The following CCNYL1 variants were observed in gnomAD, a reference collection of about 807,000 sequenced individuals.
CCNYL1 encodes cyclin-Y-like protein 1.
In CCNYL1, 16 loss-of-function variants were observed where a neutral mutation model predicts 44.2. The ratio of observed to expected loss-of-function variants is 0.36; its 90% confidence interval spans 0.25 to 0.55. The LOEUF (loss-of-function observed/expected upper bound fraction) is 0.55, where lower values mean the gene tolerates loss of function less well. CCNYL1 is among the 20% of genes least tolerant of loss of function. CCNYL1 has a pLI of 0.85. For synonymous variants in CCNYL1, 159 were observed against 163.2 expected (o/e 0.97, Z 0.20); for missense variants, 348 against 451.8 (o/e 0.77, Z 2.08).
At chr2:207,735,533 A>G (rs2091758254) in intron 4 of CCNYL1, among the ~76,000 whole-genome samples, 1 of 152,146 alleles carries the variant, frequency 6.6e-6, no homozygotes, top group Non-Finnish European at 1.5e-5. Flanking sequence ...CATTCCCAAA[A>G]TTTGCAGCAC....
At chr2:207,724,759 A>G (rs759904707) in intron 1 of CCNYL1, 41 bp from the exon 2 acceptor site, 2 of 1,380,662 alleles carry the variant, frequency 1.4e-6, no homozygotes, top group Non-Finnish European at 2.1e-6. Context: ...CATCTTTTCT[A>G]CTCACCTAAA....
intron 5 of CCNYL1, among the ~76,000 whole-genome samples, 176 bp from the exon 6 acceptor site, chr2:207,740,479 G>C (rs2091800104): frequency 6.6e-6 from 1 of 152,180 alleles, no homozygotes; most frequent in South Asian, 2.1e-4. Context: ...AGTAAAAAGA[G>C]GTCAGGAAAT....
chr2:207,735,484 G>A (rs1290680843), intron 4 of CCNYL1, among the ~76,000 whole-genome samples: 2 of 152,178 alleles, frequency 1.3e-5, no homozygotes, highest in Admixed American at 6.5e-5. Context: ...ACACAGACAA[G>A]CACATCCCAG....
chr2:207,717,108 CAAAAAAA>C (rs1171959044), intron 1 of CCNYL1, among the ~76,000 whole-genome samples: 1 of 62,180 alleles, frequency 1.6e-5, no homozygotes, highest in Non-Finnish European at 3.4e-5. Context: ...GACTCCATCT[CAAAAAAA>C]AAAAAAAAAA....
At chr2:207,752,043 A>C (rs1308321654) in intron 9 of CCNYL1, among the ~76,000 whole-genome samples, 1 of 152,040 alleles carries the variant, frequency 6.6e-6, no homozygotes, top group Non-Finnish European at 1.5e-5. Context: ...TCCAAAAAAA[A>C]AAAATTTTTT....
chr2:207,742,230 A>T lies in CCNYL1; in HGVS notation c.527A>T (p.Lys176Ile). Reference sequence around the variant, plus strand: ...CATCTTTTCTTCTTTCAGCGAGAAAAAGTTCCAGAGGAATACTTTAAGCAT... The same window carrying T: ...CATCTTTTCTTCTTTCAGCGAGAAATAGTTCCAGAGGAATACTTTAAGCAT... ...DERSHPLTRE[K>I]VPEEYFKHDP... Residue 176 changes from lysine (K) to isoleucine (I), a missense_variant, in exon 7 of 10, where the codon AAA becomes ATA. This residue lies in a region of CCNYL1 where 209 missense variants were observed against 247.7 expected (regional missense o/e 0.84). Transcript: ENST00000295414. The T allele has an allele frequency of 6.2e-7, 1 of 1,601,314 alleles. No homozygotes were observed. The highest frequency in any genetic ancestry group is 8.5e-7 in the Non-Finnish European group (1 of 1,176,546).
chr2:207,746,779 C>G (rs555192427), intron 7 of CCNYL1, among the ~76,000 whole-genome samples: 28 of 152,228 alleles, frequency 1.8e-4, no homozygotes, highest in African/African-American at 6.3e-4. Context: ...AGTTCGAGAC[C>G]AACCTGACCA....
Position 207,754,936 on chromosome 2 carries a change from C to T in CCNYL1, c.*1238C>T, listed in dbSNP as rs1053916690. Reference sequence around the variant, plus strand: ...TGGTGGTGCACGCCTATAGTCCCAGCTACTTGGGAGGCTGAGGCTGGAGGA... The same window carrying T: ...TGGTGGTGCACGCCTATAGTCCCAGTTACTTGGGAGGCTGAGGCTGGAGGA... On this transcript the variant is annotated 3_prime_UTR_variant, in exon 10 of 10. Transcript: ENST00000295414. The T allele has an allele frequency of 2.6e-5, 4 of 152,128 alleles. No individual in the cohort carries two copies. The highest frequency in any genetic ancestry group is 1.3e-4 in the Admixed American group (2 of 15,274). 9.4% of individuals were successfully genotyped at this position (152,128 alleles called of 1,614,324 possible). A position where few individuals can be genotyped will look rare whatever the true frequency, so the allele number is the denominator to read the frequency against.
chr2:207,754,911 T>C lies in CCNYL1; in HGVS notation c.*1213T>C, dbSNP rs748315122. On this transcript the variant is annotated 3_prime_UTR_variant, in exon 10 of 10. Transcript: ENST00000295414. Reference sequence around the variant, plus strand: ...AAAATTTGCAAAATGAAGCTGGGTGTGGTGGTGCACGCCTATAGTCCCAGC... The same window carrying C: ...AAAATTTGCAAAATGAAGCTGGGTGCGGTGGTGCACGCCTATAGTCCCAGC... 5 of 152,010 alleles carry C rather than the reference T, an allele frequency of 3.3e-5. No individual in the cohort carries two copies. The highest frequency in any genetic ancestry group is 5.9e-5 in the Non-Finnish European group (4 of 68,010). The allele number at this position is 152,010 out of a possible 1,614,324, so 9.4% of individuals were successfully genotyped here.
chr2:207,715,379 C>CTT (rs770646092), intron 1 of CCNYL1, among the ~76,000 whole-genome samples: 41,112 of 100,658 alleles, frequency 0.41, 10,964 homozygotes, highest in Non-Finnish European at 0.52. Context: ...CAAGCTATTT[C>CTT]TTTTTTTTTT....
chr2:207,729,947 C>A (rs1044402076), intron 3 of CCNYL1, among the ~76,000 whole-genome samples: 3 of 151,942 alleles, frequency 2.0e-5, no homozygotes, highest in Admixed American at 6.6e-5. Flanking sequence ...AGCTCCTGGC[C>A]TCAAGTTCAC....
At position 207,747,034 on chromosome 2, in the gene CCNYL1, C is replaced by T. The variant is rs1417969685; in HGVS notation, c.640-13C>T. ...ACTGAACTAAAATCAAAGACCAGTG[C>T]TCTATTTTACAGGTTTACTTAGAAA... On this transcript the variant is annotated splice_polypyrimidine_tract_variant and intron_variant, in intron 7 of 9. Transcript: ENST00000295414. 3 of 1,601,602 alleles carry T rather than the reference C, an allele frequency of 1.9e-6. No individual in the cohort carries two copies. The highest frequency in any genetic ancestry group is 2.6e-6 in the Non-Finnish European group (3 of 1,170,606).
intron 4 of CCNYL1, 48 bp from the exon 5 acceptor site, chr2:207,737,363 C>G: frequency 6.9e-7 from 1 of 1,451,188 alleles, no homozygotes; most frequent in Non-Finnish European, 9.6e-7. Flanking sequence ...TCAGGCCTAA[C>G]AAATGTTTAA....
intron 8 of CCNYL1, 126 bp from the exon 9 acceptor site, chr2:207,750,831 A>G (rs1448530308): frequency 3.9e-6 from 3 of 760,998 alleles, no homozygotes; most frequent in Non-Finnish European, 6.3e-6. Flanking sequence ...TGTTAATACA[A>G]CTGGGTAGCC....
chr2:207,737,392 T>A lies in CCNYL1; in HGVS notation c.432-19T>A. On this transcript the variant is annotated intron_variant, in intron 4 of 9. Coordinates refer to ENST00000295414, the MANE Select transcript of CCNYL1 (RefSeq NM_001330218.2). ...TGTTTAAATCAGTTGTTAAAAATAA[T>A]TTTTTTTTCCCTTCACAGTGTGACC... The A allele has an allele frequency of 6.5e-7, 1 of 1,529,806 alleles. No homozygotes were observed. Among genetic ancestry groups the A allele is most frequent in the African/African-American group, 1.4e-5 (1 of 72,946 alleles). 94.8% of individuals were successfully genotyped at this position (1,529,806 alleles called of 1,614,324 possible).
chr2:207,721,740 T>TG (rs1559165318), intron 1 of CCNYL1, among the ~76,000 whole-genome samples: 1 of 151,890 alleles, frequency 6.6e-6, no homozygotes. Context: ...TTTTGTTTTT[T>TG]TTTTTTTTGT....
chr2:207,737,534 A>G, intron 5 of CCNYL1, 88 bp downstream of exon 5: 2 of 1,069,312 alleles, frequency 1.9e-6, no homozygotes, highest in African/African-American at 1.6e-5. Context: ...TATAGACATC[A>G]TAAGCTATAG....
At position 207,719,749 on chromosome 2, in the gene CCNYL1, G is replaced by T. The variant is rs1575209304; in HGVS notation, c.221-5051G>T. Reference sequence around the variant, plus strand: ...GTTTTTTAATTTGTTTTTTGTTTTTGAGATGGTCTTTCTCTGTTGCCGAGG... The same window carrying T: ...GTTTTTTAATTTGTTTTTTGTTTTTTAGATGGTCTTTCTCTGTTGCCGAGG... On this transcript the variant is annotated intron_variant, in intron 1 of 9. Transcript: ENST00000295414. 2.0e-5 allele frequency among the ~76,000 whole-genome samples: 3 copies of T among 152,046 alleles called. No homozygotes were observed. In the East Asian group the frequency reaches 5.8e-4, roughly 29 times the overall value.
At chr2:207,749,574 T>C (rs1428329845) in intron 8 of CCNYL1, among the ~76,000 whole-genome samples, 1 of 152,238 alleles carries the variant, frequency 6.6e-6, no homozygotes, top group Non-Finnish European at 1.5e-5. Context: ...TCTATTAATA[T>C]GTGTGTTAAT....
Sources: gnomAD v4.1 joint callset for allele counts (sites outside exome capture counted in the v4.1 genomes callset) on GRCh38, gnomAD v4.1.1 for gene constraint, gnomAD v4.1.1 regional missense constraint, MANE v1.5 for transcripts, NCBI Gene and HGNC (gene_info 2026-07-23, HGNC 2026-07-21) for gene names.